The following SEC31B variants were observed in gnomAD, a reference collection of about 807,000 sequenced individuals.
The protein encoded by SEC31B is protein transport protein Sec31B.
A neutral mutation model predicts 135.0 loss-of-function variants in SEC31B; 113 were observed. The observed-to-expected ratio is 0.84, with a 90% CI of 0.72 to 0.98. The LOEUF (loss-of-function observed/expected upper bound fraction) is 0.98. Among genes scored for constraint, SEC31B ranks in the 50% least tolerant of loss-of-function variants. The pLI, the probability that SEC31B is intolerant of heterozygous loss-of-function variation, is 0.00. For synonymous variants in SEC31B, 508 were observed against 549.4 expected, an observed-to-expected ratio of 0.92 and a Z score of 1.05; for missense variants, 1,296 against 1,421.1, an observed-to-expected ratio of 0.91 and a Z score of 1.42.
chr10:100,499,642 T>C (rs1420973395), intron 11 of SEC31B, 44 bp from the exon 12 acceptor site: 1 of 1,386,630 alleles, frequency 7.2e-7, no homozygotes. Context: ...TAAATGAACA[T>C]AAATGACGCT....
Position 100,490,760 on chromosome 10 carries a change from C to A in SEC31B, c.2596G>T (p.Ala866Ser), listed in dbSNP as rs771514333. The A allele has an allele frequency of 1.2e-6, 2 of 1,607,664 alleles. No homozygotes were observed. The highest frequency in any genetic ancestry group is 3.3e-5 in the Admixed American group (2 of 59,808). The change falls in exon 20 of 26, where the codon GCA (alanine) becomes TCA (serine). Residue 866 changes from alanine (A) to serine (S), a missense_variant. Physicochemically the swap from Ala to Ser is moderately conservative, Grantham distance 99. Transcript: ENST00000370345. ...GGCTGGATGGCCTGGGGCCCAGGTG[C>A]CCTGTAGTCACTTATATTCTGTGTC... ...PRTQNISDYR[A>S]PGPQAIQPLP...
At chr10:100,514,442 T>C (rs1378511459) in intron 3 of SEC31B, among the ~76,000 whole-genome samples, 1 of 152,088 alleles carries the variant, frequency 6.6e-6, no homozygotes, top group African/African-American at 2.4e-5. Context: ...CTCACCCCTT[T>C]GAGGGGACCC....
intron 10 of SEC31B, 56 bp from the exon 11 acceptor site, chr10:100,502,540 C>T (rs760545695): frequency 1.8e-4 from 216 of 1,181,772 alleles, no homozygotes; most frequent in Non-Finnish European, 2.4e-4. Context: ...AAAAGTAACA[C>T]TAAGTCAGAT....
At chr10:100,496,457 A>C in intron 17 of SEC31B, 26 bp from the exon 18 acceptor site, 1 of 1,612,746 alleles carries the variant, frequency 6.2e-7, no homozygotes, top group Non-Finnish European at 8.5e-7. Context: ...TGAGGGTGGT[A>C]AGCCTTCAAT....
intron 2 of SEC31B, 44 bp downstream of exon 2, chr10:100,516,830 A>G: frequency 7.1e-7 from 1 of 1,409,636 alleles, no homozygotes; most frequent in Non-Finnish European, 1.0e-6. Context: ...TTTCCCCTCA[A>G]CTTATGTACT....
At chr10:100,495,187 T>A in intron 19 of SEC31B, 198 bp downstream of exon 19, 1 of 593,088 alleles carries the variant, frequency 1.7e-6, no homozygotes. Flanking sequence ...TGAGGGCAAG[T>A]ATCACAATTT....
intron 19 of SEC31B, among the ~76,000 whole-genome samples, 188 bp from the exon 20 acceptor site, chr10:100,491,071 T>C (rs1210253764): frequency 1.3e-5 from 2 of 152,126 alleles, no homozygotes; most frequent in Non-Finnish European, 2.9e-5. Context: ...TCATCAGAGA[T>C]GAAACAGGGA....
chr10:100,511,458 T>C lies in SEC31B; in HGVS notation c.204-1947A>G, dbSNP rs544103234. On this transcript the variant is annotated intron_variant, in intron 3 of 25. Transcript: ENST00000370345. Reference sequence around the variant, plus strand: ...CCTGTAAGTTTGGATTTTTAAAAAATAAGAAGTTGAAAAACAAAAAGGGTG... The same window carrying C: ...CCTGTAAGTTTGGATTTTTAAAAAACAAGAAGTTGAAAAACAAAAAGGGTG... Among the ~76,000 whole-genome samples the C allele has an allele frequency of 2.0e-4, 31 of 152,160 alleles. No homozygotes were observed. In the South Asian group the frequency reaches 6.4e-3, roughly 32 times the overall value.
chr10:100,489,404 G>C lies in SEC31B; in HGVS notation c.3025-6C>G. 6.2e-7 allele frequency: 1 copy of C among 1,613,352 alleles called. No individual in the cohort carries two copies. The highest frequency in any genetic ancestry group is 2.2e-5 in the East Asian group (1 of 44,876). On this transcript the variant is annotated splice_region_variant and splice_polypyrimidine_tract_variant and intron_variant, in intron 22 of 25. Coordinates refer to ENST00000370345, the MANE Select transcript of SEC31B (RefSeq NM_015490.4). ...GGCATAAATGTCTCTGGCAGCTAAA[G>C]AGACAGAAGGAAAGACATGAGTCTA...
At chr10:100,519,387 G>A (rs953664708) in intron 1 of SEC31B, among the ~76,000 whole-genome samples, 3 of 152,268 alleles carry the variant, frequency 2.0e-5, no homozygotes, top group Admixed American at 2.0e-4. Context: ...AGGGAGGACG[G>A]TCAGCACAGC....
intron 6 of SEC31B, 25 bp from the exon 7 acceptor site, chr10:100,507,592 G>A: frequency 6.2e-7 from 1 of 1,613,604 alleles, no homozygotes; most frequent in Non-Finnish European, 8.5e-7. Context: ...GATCCCAATG[G>A]GTGCTGTAAC....
chr10:100,508,506 A>G (rs981984997), intron 5 of SEC31B: 2 of 464,060 alleles, frequency 4.3e-6, no homozygotes, highest in Admixed American at 2.3e-5. Flanking sequence ...GCCAGGAAGC[A>G]AAAAGATGGG....
chr10:100,488,777 C>G, intron 24 of SEC31B, 81 bp downstream of exon 24: 1 of 1,481,198 alleles, frequency 6.8e-7, no homozygotes, highest in South Asian at 1.4e-5. Context: ...GAGAGTCACA[C>G]AAGGAACTGG....
chr10:100,498,433 G>A (rs966459586), intron 14 of SEC31B: 10 of 609,164 alleles, frequency 1.6e-5, no homozygotes, highest in Non-Finnish European at 2.6e-5. Context: ...AGCACAGTGT[G>A]AGGTGTGCTT....
At chr10:100,515,625 T>C (rs571477867) in intron 3 of SEC31B, among the ~76,000 whole-genome samples, 1 of 152,310 alleles carries the variant, frequency 6.6e-6, no homozygotes, top group South Asian at 2.1e-4. Context: ...CTGGCATGTA[T>C]ACATGTGCTC....
intron 10 of SEC31B, among the ~76,000 whole-genome samples, chr10:100,504,117 C>T (rs892945442): frequency 3.3e-5 from 5 of 152,112 alleles, no homozygotes. Flanking sequence ...CCTGTTTTAC[C>T]GATAAGAACG....
At position 100,489,702 on chromosome 10, in the gene SEC31B, C is replaced by T; in HGVS notation, c.3024+1G>A. ...GAGTGGGTAGGGAAAGATGCATTGACCTTGTTCCTCTGGAGGTTTCCCCTG... is the reference window on the plus strand; with the variant it reads ...GAGTGGGTAGGGAAAGATGCATTGATCTTGTTCCTCTGGAGGTTTCCCCTG... On this transcript the variant is annotated splice_donor_variant, in intron 22 of 25. Coordinates refer to ENST00000370345, the MANE Select transcript of SEC31B (RefSeq NM_015490.4). LOFTEE classifies it high-confidence loss of function. The T allele has an allele frequency of 6.2e-7, 1 of 1,614,078 alleles. No homozygotes were observed.
At chr10:100,503,635 T>C (rs1029920556) in intron 10 of SEC31B, among the ~76,000 whole-genome samples, 19 of 152,212 alleles carry the variant, frequency 1.2e-4, no homozygotes, top group African/African-American at 4.6e-4. Flanking sequence ...GGTTTCTCCA[T>C]GTTGGTCAGG....
At chr10:100,507,368 C>A (rs1370598983) in intron 7 of SEC31B, 57 bp downstream of exon 7, 4 of 1,609,392 alleles carry the variant, frequency 2.5e-6, no homozygotes, top group African/African-American at 2.7e-5. Flanking sequence ...TGCCTCCTAC[C>A]CAGCCCAGTT....
Sources: gnomAD v4.1 joint callset for allele counts (sites outside exome capture counted in the v4.1 genomes callset) on GRCh38, gnomAD v4.1.1 for gene constraint, MANE v1.5 for transcripts, NCBI Gene and HGNC (gene_info 2026-07-23, HGNC 2026-07-21) for gene names.